ACTR2: variants seen among roughly 807,000 people sequenced by gnomAD.
ACTR2 encodes actin related protein 2.
Under a neutral mutation model 50.2 loss-of-function variants are expected in ACTR2, and 5 were observed. The observed-to-expected ratio is 0.10, with a 90% CI of 0.05 to 0.21. The LOEUF is 0.21. ACTR2 is among the 10% of genes least tolerant of loss of function. The probability of loss-of-function intolerance (pLI) is 1.00; values close to 1 mark genes in which losing one functional copy is unlikely to be tolerated. For missense variants in ACTR2, 180 were observed against 480.6 expected (o/e 0.37, Z 5.85); for synonymous variants, 140 against 162.9 (o/e 0.86, Z 1.07).
chr2:65,255,489 G>A, intron 5 of ACTR2, 56 bp from the exon 6 acceptor site: 1 of 1,489,648 alleles, frequency 6.7e-7, no homozygotes, highest in Non-Finnish European at 9.1e-7. Flanking sequence ...ACTAGCTTTT[G>A]CAGAGTAGAA....
intron 2 of ACTR2, among the ~76,000 whole-genome samples, chr2:65,243,335 A>C (rs1671876897): frequency 1.3e-5 from 2 of 151,962 alleles, no homozygotes. Flanking sequence ...GGCTTATTTT[A>C]ACAGAAGTTT....
chr2:65,249,911 G>T (rs780880915), intron 3 of ACTR2, among the ~76,000 whole-genome samples: 34 of 152,242 alleles, frequency 2.2e-4, no homozygotes, highest in Non-Finnish European at 4.3e-4. Flanking sequence ...ATTGATTTTT[G>T]TCTTTGCCGT....
chr2:65,229,969 A>G (rs549144458), intron 1 of ACTR2, among the ~76,000 whole-genome samples: 21 of 152,282 alleles, frequency 1.4e-4, no homozygotes, highest in Admixed American at 5.2e-4. Flanking sequence ...GATACATAAG[A>G]AATGTTCATA....
intron 8 of ACTR2, among the ~76,000 whole-genome samples, chr2:65,267,860 C>CTTTTT (rs1558630921): frequency 1.6e-5 from 1 of 62,684 alleles, no homozygotes; most frequent in Non-Finnish European, 3.6e-5. Context: ...CATGCAAGTC[C>CTTTTT]TCTTTTTTTT....
intron 8 of ACTR2, among the ~76,000 whole-genome samples, chr2:65,267,125 C>T (rs1376335266): frequency 6.6e-6 from 1 of 152,142 alleles, no homozygotes; most frequent in Non-Finnish European, 1.5e-5. Context: ...AGCTAAGTTT[C>T]CCTTAGAGTA....
At chr2:65,249,109 T>G (rs1179562278) in intron 3 of ACTR2, among the ~76,000 whole-genome samples, 1 of 152,210 alleles carries the variant, frequency 6.6e-6, no homozygotes, top group Non-Finnish European at 1.5e-5. Flanking sequence ...TCCTCATAGT[T>G]TAAATAAGTA....
In ACTR2 at chr2:65,269,548, C is replaced by CA. The variant is rs1672452551; in HGVS notation, c.*815dup. 6.6e-6 allele frequency: 1 copy of CA among 152,152 alleles called. No individual in the cohort carries two copies. The highest frequency in any genetic ancestry group is 1.5e-5 in the Non-Finnish European group (1 of 68,022). The allele number at this position is 152,152 out of a possible 1,614,324, so 9.4% of individuals were successfully genotyped here. ...ATGTTAGCTGGGATTAGACTCCCTA[C>CA]AGTCCTTCAATGGAAAAGTAACATT... On this transcript the variant is annotated 3_prime_UTR_variant, in exon 9 of 9. Coordinates refer to ENST00000260641, the MANE Select transcript of ACTR2 (RefSeq NM_005722.4).
chr2:65,246,848 T>G, intron 3 of ACTR2, 109 bp downstream of exon 3: 2 of 807,186 alleles, frequency 2.5e-6, no homozygotes, highest in Non-Finnish European at 3.9e-6. Flanking sequence ...ATTGTTTTCC[T>G]TCAGATCTTA....
intron 2 of ACTR2, chr2:65,242,720 G>T: frequency 2.1e-6 from 1 of 470,066 alleles, no homozygotes; most frequent in African/African-American, 2.0e-5. Context: ...ATAACTATAA[G>T]CTTGCTGGTC....
chr2:65,246,669 C>A lies in ACTR2; in HGVS notation c.305C>A (p.Thr102Asn). 2 of 1,613,434 alleles carry A rather than the reference C, an allele frequency of 1.2e-6. No individual in the cohort carries two copies. The highest frequency in any genetic ancestry group is 1.7e-6 in the Non-Finnish European group (2 of 1,179,764). ...TFGPEKLNID[T>N]RNCKILLTEP... ...GGACCAGAGAAACTTAATATAGATA[C>A]CAGAAATTGTAAAATCTTACTCACA... Residue 102 changes from threonine to asparagine, a missense_variant, in exon 3 of 9, where the codon ACC becomes AAC. Transcript: ENST00000260641.
In ACTR2 at chr2:65,271,209, C is replaced by T. The variant is rs1440736383; in HGVS notation, c.*2475C>T. The T allele has an allele frequency of 3.9e-5, 6 of 152,036 alleles. No individual in the cohort carries two copies. The highest frequency in any genetic ancestry group is 7.4e-5 in the Non-Finnish European group (5 of 68,018). The allele number at this position is 152,036 out of a possible 1,614,324, so 9.4% of individuals were successfully genotyped here. On this transcript the variant is annotated 3_prime_UTR_variant, in exon 9 of 9. Coordinates refer to ENST00000260641, the MANE Select transcript of ACTR2 (RefSeq NM_005722.4). ...AAACAGTCTAAATTAACATGAAATA[C>T]TTCATTTTGATTGAGAAAATAAAAT...
chr2:65,241,509 A>C (rs562127753), intron 2 of ACTR2, among the ~76,000 whole-genome samples: 1 of 152,100 alleles, frequency 6.6e-6, no homozygotes, highest in Non-Finnish European at 1.5e-5. Context: ...TCTGTATTCT[A>C]TTGGCTCAAT....
At chr2:65,239,593 T>C (rs1671805572) in intron 1 of ACTR2, among the ~76,000 whole-genome samples, 1 of 152,250 alleles carries the variant, frequency 6.6e-6, no homozygotes. Context: ...AGCTCCCTGC[T>C]CTTATGAGGC....
chr2:65,265,006 C>T, intron 7 of ACTR2, 37 bp from the exon 8 acceptor site: 1 of 1,611,826 alleles, frequency 6.2e-7, no homozygotes, highest in Non-Finnish European at 8.5e-7. Context: ...TTTTCCTAAC[C>T]TAAAACTCCA....
chr2:65,248,486 C>T (rs944545395), intron 3 of ACTR2, among the ~76,000 whole-genome samples: 1 of 152,074 alleles, frequency 6.6e-6, no homozygotes, highest in Admixed American at 6.6e-5. Context: ...TTAGATTTCT[C>T]TTGTGTTGTG....
intron 7 of ACTR2, among the ~76,000 whole-genome samples, chr2:65,262,706 G>A (rs139642022): frequency 3.3e-5 from 5 of 151,946 alleles, no homozygotes; most frequent in South Asian, 2.1e-4. Flanking sequence ...GGCTGTAATC[G>A]CAGCACTTTG....
chr2:65,252,800 T>G (rs1672078621), intron 4 of ACTR2, among the ~76,000 whole-genome samples: 1 of 151,890 alleles, frequency 6.6e-6, no homozygotes, highest in Non-Finnish European at 1.5e-5. Context: ...GAGATCCCTA[T>G]CTCTATAAAA....
intron 8 of ACTR2, among the ~76,000 whole-genome samples, chr2:65,266,349 C>G (rs895077292): frequency 3.9e-5 from 6 of 152,048 alleles, no homozygotes; most frequent in African/African-American, 1.4e-4. Flanking sequence ...GAGGAGTGAG[C>G]CTTGTGACTG....
At chr2:65,252,327 A>G (rs1025943328) in intron 4 of ACTR2, among the ~76,000 whole-genome samples, 1 of 151,754 alleles carries the variant, frequency 6.6e-6, no homozygotes, top group African/African-American at 2.4e-5. Context: ...TGCATCAAGG[A>G]ATTATATCCA....
Sources: allele counts gnomAD v4.1 joint callset (sites outside exome capture counted in the v4.1 genomes callset), GRCh38; gene constraint gnomAD v4.1.1; transcripts MANE v1.5; gene names NCBI Gene and HGNC (gene_info 2026-07-23, HGNC 2026-07-21).